The following RPS6KA5 variants were observed in gnomAD, a reference collection of about 807,000 sequenced individuals.
The protein encoded by RPS6KA5 is ribosomal protein S6 kinase alpha-5.
A neutral mutation model predicts 85.5 loss-of-function variants in RPS6KA5; 27 were observed. The ratio of observed to expected loss-of-function variants is 0.32; its 90% confidence interval spans 0.23 to 0.44. The LOEUF (loss-of-function observed/expected upper bound fraction) is 0.44. Ranked by LOEUF, RPS6KA5 falls within the 20% of genes least tolerant of loss-of-function variation. RPS6KA5 has a pLI of 1.00. For synonymous variants in RPS6KA5, 334 were observed against 348.2 expected, an observed-to-expected ratio of 0.96 and a Z score of 0.46; for missense variants, 811 against 980.9, an observed-to-expected ratio of 0.83 and a Z score of 2.31.
chr14:90,960,827 T>C (rs891911565), intron 3 of RPS6KA5, among the ~76,000 whole-genome samples: 2 of 152,246 alleles, frequency 1.3e-5, no homozygotes, highest in Non-Finnish European at 2.9e-5. Context: ...AAAGCCAATA[T>C]TGTTTTTCTT....
chr14:91,022,160 C>T (rs1440082906), intron 1 of RPS6KA5, among the ~76,000 whole-genome samples: 2 of 152,132 alleles, frequency 1.3e-5, no homozygotes, highest in African/African-American at 4.8e-5. Context: ...TGACTTGTAA[C>T]CATTTGCTTT....
At chr14:90,951,318 C>T (rs943172931) in intron 3 of RPS6KA5, among the ~76,000 whole-genome samples, 20 of 151,748 alleles carry the variant, frequency 1.3e-4, no homozygotes, top group African/African-American at 1.9e-4. Flanking sequence ...CCCGTCTCTA[C>T]TAAAAATACA....
chr14:90,902,276 G>A (rs919757443), intron 9 of RPS6KA5, among the ~76,000 whole-genome samples: 6 of 151,194 alleles, frequency 4.0e-5, no homozygotes, highest in African/African-American at 1.5e-4. Flanking sequence ...CTTGAGGCCA[G>A]GAGTTCAAGA....
At chr14:90,962,619 C>T (rs554530293) in intron 3 of RPS6KA5, among the ~76,000 whole-genome samples, 1 of 151,396 alleles carries the variant, frequency 6.6e-6, no homozygotes, top group South Asian at 2.1e-4. Flanking sequence ...TAGGGTCTCG[C>T]TCTGTTGCCT....
chr14:91,017,341 CA>C (rs2041547359), intron 1 of RPS6KA5, among the ~76,000 whole-genome samples: 1 of 152,216 alleles, frequency 6.6e-6, no homozygotes, highest in South Asian at 2.1e-4. Context: ...ATATTTCTGT[CA>C]CAACTACCAT....
At chr14:91,046,145 A>C (rs2139920268) in intron 1 of RPS6KA5, among the ~76,000 whole-genome samples, 1 of 152,086 alleles carries the variant, frequency 6.6e-6, no homozygotes, top group South Asian at 2.1e-4. Flanking sequence ...TTAGTTATTT[A>C]GTGATTATGT....
chr14:90,902,959 C>T lies in RPS6KA5; in HGVS notation c.968G>A (p.Trp323Ter). 1 of 1,609,652 alleles carries T rather than the reference C, an allele frequency of 6.2e-7. No individual in the cohort carries two copies. The highest frequency in any genetic ancestry group is 8.5e-7 in the Non-Finnish European group (1 of 1,177,650). Reference sequence around the variant, plus strand: ...CACTTTTTTGGCGGCTAAATCATCCCAATTTATTTTCTAAAACAAAGAAAG... The same window carrying T: ...CACTTTTTTGGCGGCTAAATCATCCTAATTTATTTTCTAAAACAAAGAAAG... ...KEHLFFQKIN[W>*]DDLAAKKVPA... The change falls in exon 9 of 17, where the codon TGG becomes TAG. Residue 323 changes from tryptophan to a stop codon, truncating the protein, a stop_gained. Coordinates refer to ENST00000614987, the MANE Select transcript of RPS6KA5 (RefSeq NM_004755.4). LOFTEE classifies it high-confidence loss of function.
chr14:91,034,408 T>G (rs1030719474), intron 1 of RPS6KA5, among the ~76,000 whole-genome samples: 2 of 151,396 alleles, frequency 1.3e-5, no homozygotes, highest in African/African-American at 2.4e-5. Context: ...CTGGGTCGAG[T>G]GGGGTCTAGC....
chr14:90,886,266 A>G (rs1221668445), intron 14 of RPS6KA5, among the ~76,000 whole-genome samples: 1 of 152,206 alleles, frequency 6.6e-6, no homozygotes, highest in Admixed American at 6.5e-5. Flanking sequence ...TCAAAATAAA[A>G]TTGTGGGAAA....
chr14:91,050,479 A>G (rs1377993256), intron 1 of RPS6KA5, among the ~76,000 whole-genome samples: 1 of 152,220 alleles, frequency 6.6e-6, no homozygotes, highest in Non-Finnish European at 1.5e-5. Flanking sequence ...CTCAGGCTGG[A>G]GTGCAGTGGC....
intron 12 of RPS6KA5, among the ~76,000 whole-genome samples, chr14:90,897,987 C>T (rs773064353): frequency 3.3e-5 from 5 of 152,124 alleles, no homozygotes; most frequent in African/African-American, 7.2e-5. Context: ...TCAGGGAGAG[C>T]GGTTCCCCCT....
At chr14:90,965,837 T>C (rs1449030108) in intron 3 of RPS6KA5, among the ~76,000 whole-genome samples, 1 of 152,034 alleles carries the variant, frequency 6.6e-6, no homozygotes, top group Non-Finnish European at 1.5e-5. Context: ...AGGGTGCAGA[T>C]GGAACCCAAA....
At chr14:91,051,914 T>C (rs2043098659) in intron 1 of RPS6KA5, among the ~76,000 whole-genome samples, 1 of 151,078 alleles carries the variant, frequency 6.6e-6, no homozygotes, top group Non-Finnish European at 1.5e-5. Context: ...GGTAGAAGAC[T>C]AAAGCCTTCC....
chr14:91,050,497 C>T (rs1335463014), intron 1 of RPS6KA5, among the ~76,000 whole-genome samples: 2 of 152,212 alleles, frequency 1.3e-5, no homozygotes, highest in African/African-American at 4.8e-5. Flanking sequence ...GGCACAATCT[C>T]GGCTCACTGC....
intron 1 of RPS6KA5, among the ~76,000 whole-genome samples, chr14:91,050,399 C>G (rs949356242): frequency 6.6e-6 from 1 of 151,950 alleles, no homozygotes; most frequent in Non-Finnish European, 1.5e-5. Context: ...AAAACAAAAA[C>G]AAAAACAAAG....
chr14:91,010,510 A>G (rs2041213588), intron 1 of RPS6KA5, among the ~76,000 whole-genome samples: 1 of 152,224 alleles, frequency 6.6e-6, no homozygotes, highest in Non-Finnish European at 1.5e-5. Flanking sequence ...GATGGTTTGA[A>G]ACCCCTAATG....
chr14:90,880,032 C>T (rs1391521058), intron 14 of RPS6KA5, among the ~76,000 whole-genome samples: 1 of 152,110 alleles, frequency 6.6e-6, no homozygotes, highest in Non-Finnish European at 1.5e-5. Flanking sequence ...AACTCCCGAC[C>T]TTGTGATCTA....
intron 8 of RPS6KA5, among the ~76,000 whole-genome samples, chr14:90,904,726 G>C (rs1409139811): frequency 6.6e-6 from 1 of 152,250 alleles, no homozygotes; most frequent in East Asian, 1.9e-4. Flanking sequence ...TAGAGAAAAA[G>C]GCCATTTAGG....
chr14:90,971,915 T>C (rs1317490057), intron 3 of RPS6KA5, among the ~76,000 whole-genome samples: 1 of 152,120 alleles, frequency 6.6e-6, no homozygotes, highest in Non-Finnish European at 1.5e-5. Context: ...ATGAGCAATG[T>C]GGGAAGGTAG....
Sources: allele counts gnomAD v4.1 joint callset (sites outside exome capture counted in the v4.1 genomes callset), GRCh38; gene constraint gnomAD v4.1.1; transcripts MANE v1.5; gene names NCBI Gene and HGNC (gene_info 2026-07-23, HGNC 2026-07-21).